Variants in VIM observed in about 807,000 individuals in gnomAD.
VIM encodes the protein epididymis secretory sperm binding protein.
Under a neutral mutation model 50.3 loss-of-function variants are expected in VIM, and 18 were observed. That is an observed-to-expected ratio of 0.36 (90% CI 0.25 to 0.53). VIM has a LOEUF of 0.53. VIM is among the 20% of genes least tolerant of loss of function. VIM has a pLI of 0.91. For missense variants in VIM, 551 were observed against 614.7 expected (o/e 0.90, Z 1.10); for synonymous variants, 245 against 248.5 (o/e 0.99, Z 0.13).
chr10:17,231,512 A>G (rs752264604), intron 3 of VIM, among the ~76,000 whole-genome samples: 10 of 152,228 alleles, frequency 6.6e-5, no homozygotes, highest in Non-Finnish European at 1.3e-4. Context: ...GCAACAGGCT[A>G]CATTCTTACT....
At chr10:17,232,016 G>T (rs926677628) in intron 3 of VIM, among the ~76,000 whole-genome samples, 6 of 152,052 alleles carry the variant, frequency 3.9e-5, no homozygotes, top group Admixed American at 6.5e-5. Context: ...GAGCATTTTT[G>T]ATTATCATAC....
chr10:17,235,890 G>A lies in VIM; in HGVS notation c.1273+1G>A, dbSNP rs112886370. 6.2e-7 allele frequency: 1 copy of A among 1,613,122 alleles called. No individual in the cohort carries two copies. Among genetic ancestry groups the A allele is most frequent in the Admixed American group, 1.7e-5 (1 of 60,022 alleles). ...AACTTTTCCTCCCTGAACCTGAGGG[G>A]TAAGCATTTTATTTCCCTTTAGGAA... On this transcript the variant is annotated splice_donor_variant, in intron 8 of 9. Coordinates refer to ENST00000544301, the MANE Select transcript of VIM (RefSeq NM_003380.5). LOFTEE classifies it high-confidence loss of function.
intron 3 of VIM, among the ~76,000 whole-genome samples, chr10:17,232,686 A>G (rs983413903): frequency 4.6e-5 from 7 of 152,254 alleles, no homozygotes; most frequent in Admixed American, 2.0e-4. Flanking sequence ...TGGGTTATTG[A>G]ATATAAATCT....
At chr10:17,236,068 C>A (rs540495874) in intron 8 of VIM, 179 bp downstream of exon 8, 2 of 745,402 alleles carry the variant, frequency 2.7e-6, no homozygotes, top group South Asian at 1.6e-5. Context: ...AAGTTAAATG[C>A]AAACTCCTTT....
chr10:17,232,554 A>G (rs563204408), intron 3 of VIM, among the ~76,000 whole-genome samples: 2 of 152,374 alleles, frequency 1.3e-5, no homozygotes, highest in African/African-American at 4.8e-5. Flanking sequence ...ATGCCTTTAC[A>G]GGATGAGTCA....
intron 6 of VIM, 44 bp from the exon 7 acceptor site, chr10:17,235,125 T>G (rs775226790): frequency 1.5e-4 from 249 of 1,607,974 alleles, no homozygotes; most frequent in Non-Finnish European, 2.0e-4. Flanking sequence ...AACAGCTGGG[T>G]TTTTCTGAGA....
At chr10:17,230,740 G>T (rs768683867) in intron 3 of VIM, 30 bp downstream of exon 3, 3 of 1,613,484 alleles carry the variant, frequency 1.9e-6, no homozygotes, top group South Asian at 2.2e-5. Context: ...ACTCGCAGCC[G>T]CCTGACCCCA....
intron 8 of VIM, 115 bp downstream of exon 8, chr10:17,236,004 C>T (rs1324251382): frequency 1.7e-6 from 2 of 1,156,406 alleles, no homozygotes; most frequent in African/African-American, 3.1e-5. Flanking sequence ...AGAGAAAACT[C>T]TATAAAACAT....
In VIM at chr10:17,230,083, G is replaced by A. The variant is rs893504072; in HGVS notation, c.563+98G>A. 3.5e-5 allele frequency: 50 copies of A among 1,421,586 alleles called. No individual in the cohort carries two copies. The African/African-American group carries it at 5.3e-4, about 15-fold the overall frequency. 88.1% of individuals were successfully genotyped at this position (1,421,586 alleles called of 1,614,324 possible). The stretch of plus-strand genomic sequence containing the variant: ...CCCGCGAGAGCTGCCACGCCCTTGG[G>A]GATGTGGCCGGGGGGAGGCCTGCCA... On this transcript the variant is annotated intron_variant, in intron 2 of 9. Coordinates refer to ENST00000544301, the MANE Select transcript of VIM (RefSeq NM_003380.5).
intron 8 of VIM, 89 bp from the exon 9 acceptor site, chr10:17,236,205 C>A (rs1846886907): frequency 1.8e-6 from 2 of 1,087,412 alleles, no homozygotes; most frequent in Non-Finnish European, 2.8e-6. Flanking sequence ...CTCTCCCCCA[C>A]AAATCATAAT....
intron 2 of VIM, chr10:17,230,406 C>A: frequency 1.7e-6 from 1 of 592,740 alleles, no homozygotes. Flanking sequence ...GATGGTCCCT[C>A]GGGGGCGGGG....
At chr10:17,234,009 A>G (rs1377919091) in intron 5 of VIM, 78 bp downstream of exon 5, 3 of 1,543,610 alleles carry the variant, frequency 1.9e-6, no homozygotes, top group African/African-American at 2.7e-5. Flanking sequence ...TGTGATTCCT[A>G]AATATCCTCT....
intron 3 of VIM, chr10:17,230,951 G>A (rs971736474): frequency 6.4e-6 from 3 of 466,264 alleles, no homozygotes; most frequent in Non-Finnish European, 1.2e-5. Flanking sequence ...CGCCCAGGCT[G>A]GAGTGCAGTG....
intron 3 of VIM, 174 bp downstream of exon 3, chr10:17,230,884 T>C: frequency 1.5e-6 from 1 of 663,956 alleles, no homozygotes; most frequent in Non-Finnish European, 2.6e-6. Flanking sequence ...TAGAAAAATA[T>C]TAATAAAACC....
At position 17,236,317 on chromosome 10, in the gene VIM, C is replaced by G. The variant is rs768266467; in HGVS notation, c.1297C>G (p.Leu433Val). 1 of 1,613,650 alleles carries G rather than the reference C, an allele frequency of 6.2e-7. No homozygotes were observed. Among genetic ancestry groups the G allele is most frequent in the African/African-American group, 1.3e-5 (1 of 74,894 alleles). Reference sequence around the variant, plus strand: ...AGAAACTAATCTGGATTCACTCCCTCTGGTTGATACCCACTCAAAAAGGAC... The same window carrying G: ...AGAAACTAATCTGGATTCACTCCCTGTGGTTGATACCCACTCAAAAAGGAC... ...LRETNLDSLPLVDTHSKRTLL... is the reference protein window; with the variant it reads ...LRETNLDSLPVVDTHSKRTLL... The change falls in exon 9 of 10, where the codon CTG becomes GTG. Residue 433 changes from leucine to valine, a missense_variant. Leu to Val is a conservative substitution (Grantham distance 32). Transcript: ENST00000544301.
chr10:17,230,093 G>T (rs947610475), intron 2 of VIM, 108 bp downstream of exon 2: 6 of 1,332,758 alleles, frequency 4.5e-6, no homozygotes, highest in African/African-American at 4.5e-5. Context: ...GGATGTGGCC[G>T]GGGGGAGGCC....
chr10:17,232,440 G>A (rs61566686), intron 3 of VIM, among the ~76,000 whole-genome samples: 13,429 of 152,224 alleles, frequency 0.088, 1,943 homozygotes, highest in African/African-American at 0.3. Context: ...ATAGAAGGAC[G>A]GCTGAATCAG....
chr10:17,235,830 C>G lies in VIM; in HGVS notation c.1230-16C>G. On this transcript the variant is annotated splice_polypyrimidine_tract_variant and intron_variant, in intron 7 of 9. Coordinates refer to ENST00000544301, the MANE Select transcript of VIM (RefSeq NM_003380.5). ...ATTTGCCAACAATTTTACTGTTTCT[C>G]TTCATCTGTTTATAGGATTTCTCTG... 1.2e-6 allele frequency: 2 copies of G among 1,613,286 alleles called. No homozygotes were observed. The highest frequency in any genetic ancestry group is 1.7e-6 in the Non-Finnish European group (2 of 1,179,288).
chr10:17,229,804 A>T lies in VIM; in HGVS notation c.382A>T (p.Asn128Tyr). 6.3e-7 allele frequency: 1 copy of T among 1,598,148 alleles called. No individual in the cohort carries two copies. The highest frequency in any genetic ancestry group is 8.5e-7 in the Non-Finnish European group (1 of 1,172,454). Residue 128 changes from asparagine (N) to tyrosine (Y), a missense_variant, in exon 2 of 10, where the codon AAT (asparagine) becomes TAT (tyrosine). By Grantham distance (143) the Asn-to-Tyr change is moderately radical. Around this residue, in one of 3 missense-constraint regions of VIM, gnomAD observed 394 missense variants for 437.5 expected, o/e 0.90. Transcript: ENST00000544301. ...IDKVRFLEQQ[N>Y]KILLAELEQL... ...CAAGGTGCGCTTCCTGGAGCAGCAG[A>T]ATAAGATCCTGCTGGCCGAGCTCGA...
Sources: gnomAD v4.1 joint callset for allele counts (sites outside exome capture counted in the v4.1 genomes callset) on GRCh38, gnomAD v4.1.1 for gene constraint, gnomAD v4.1.1 regional missense constraint, MANE v1.5 for transcripts, NCBI Gene and HGNC (gene_info 2026-07-23, HGNC 2026-07-21) for gene names.